PDS5A: variants seen among roughly 807,000 people sequenced by gnomAD.
The protein encoded by PDS5A is PDS5 cohesin associated factor A.
A neutral mutation model predicts 167.1 loss-of-function variants in PDS5A; 42 were observed. The ratio of observed to expected loss-of-function variants is 0.25; its 90% CI spans 0.20 to 0.33. The LOEUF (loss-of-function observed/expected upper bound fraction) is 0.33, where lower values mean the gene tolerates loss of function less well. Among genes scored for constraint, PDS5A ranks in the 10% least tolerant of loss-of-function variants. The pLI, the probability that PDS5A is intolerant of heterozygous loss-of-function variation, is 1.00. For missense variants in PDS5A, 1,033 were observed against 1,605.9 expected (o/e 0.64, Z 6.10); for synonymous variants, 553 against 554.6 (o/e 1.00, Z 0.04).
At chr4:39,829,784 C>T (rs187187742) in intron 32 of PDS5A, among the ~76,000 whole-genome samples, 18 of 151,480 alleles carry the variant, frequency 1.2e-4, no homozygotes, top group Admixed American at 2.6e-4. Flanking sequence ...ACCCTGTCTC[C>T]ACTAAAAATA....
At chr4:39,944,694 C>CAAAAAAAAAAAAAAAAAAAAAA (rs373241104) in intron 2 of PDS5A, among the ~76,000 whole-genome samples, 1 of 86,112 alleles carries the variant, frequency 1.2e-5, no homozygotes, top group Non-Finnish European at 2.5e-5. Context: ...AACTCCATCT[C>CAAAAAAAAAAAAAAAAAAAAAA]AAAAAAAAAA....
At chr4:39,933,949 G>C (rs1380196287) in intron 2 of PDS5A, among the ~76,000 whole-genome samples, 1 of 152,190 alleles carries the variant, frequency 6.6e-6, no homozygotes, top group Non-Finnish European at 1.5e-5. Context: ...TTGTCAGCTG[G>C]CAAGTATGGA....
At chr4:39,970,855 T>C (rs1413735949) in intron 2 of PDS5A, among the ~76,000 whole-genome samples, 1 of 139,802 alleles carries the variant, frequency 7.2e-6, no homozygotes. Context: ...TGGAGTGCAG[T>C]GGTAGGATCA....
intron 10 of PDS5A, 104 bp from the exon 11 acceptor site, chr4:39,908,644 G>A: frequency 1.4e-6 from 1 of 690,618 alleles, no homozygotes. Flanking sequence ...CCATACTAAA[G>A]CAATGTTTGT....
intron 30 of PDS5A, 46 bp downstream of exon 30, chr4:39,844,610 C>T (rs557131855): frequency 8.0e-6 from 12 of 1,505,784 alleles, no homozygotes; most frequent in Non-Finnish European, 1.0e-5. Context: ...AAAAGATAAA[C>T]CAAGTAGTGA....
At chr4:39,837,029 A>G (rs1442786478) in intron 32 of PDS5A, 1 of 118,952 alleles carries the variant, frequency 8.4e-6, no homozygotes, top group Admixed American at 1.0e-4. Flanking sequence ...ATGGGGTTTC[A>G]CCATGTTGGT....
chr4:39,891,968 A>C (rs1332985661), intron 16 of PDS5A, among the ~76,000 whole-genome samples: 2 of 151,602 alleles, frequency 1.3e-5, no homozygotes, highest in East Asian at 3.9e-4. Flanking sequence ...AAAATTAGCC[A>C]GGCGTGATGG....
At chr4:39,866,484 G>A (rs925726392) in intron 23 of PDS5A, among the ~76,000 whole-genome samples, 18 of 152,224 alleles carry the variant, frequency 1.2e-4, no homozygotes, top group Non-Finnish European at 2.1e-4. Flanking sequence ...TTTAATACAG[G>A]GATGCTCTTT....
At chr4:39,870,681 T>C (rs1304739845) in intron 21 of PDS5A, among the ~76,000 whole-genome samples, 1 of 152,028 alleles carries the variant, frequency 6.6e-6, no homozygotes, top group East Asian at 1.9e-4. Flanking sequence ...AGGTAGTCAA[T>C]AAGCACACAA....
In PDS5A at chr4:39,874,312, CTTCT is replaced by C; in HGVS notation, c.2250_2253del (p.Glu751SerfsTer14). The C allele has an allele frequency of 6.2e-7, 1 of 1,613,058 alleles. No individual in the cohort carries two copies. Among genetic ancestry groups the C allele is most frequent in the Non-Finnish European group, 8.5e-7 (1 of 1,179,186 alleles). On this transcript the variant is annotated frameshift_variant, in exon 20 of 33. Coordinates refer to ENST00000303538, the MANE Select transcript of PDS5A (RefSeq NM_001100399.2). LOFTEE classifies it high-confidence loss of function. Reference sequence around the variant, plus strand: ...ACCTCAAAAATCTGTGCAAGCTGGACTTCTTTATTTGTGAATATGGCGTGTATAC... The same window carrying C: ...ACCTCAAAAATCTGTGCAAGCTGGACTTATTTGTGAATATGGCGTGTATAC...
chr4:39,976,624 G>A lies in PDS5A; in HGVS notation c.-40-7C>T. ...CACAGTCCTCTACCGGCCTCTATCG[G>A]TCAGAAAACCAAAGTTCAGCGGGAA... On this transcript the variant is annotated splice_region_variant and splice_polypyrimidine_tract_variant and intron_variant, in intron 1 of 32. Coordinates refer to ENST00000303538, the MANE Select transcript of PDS5A (RefSeq NM_001100399.2). The A allele has an allele frequency of 6.6e-7, 1 of 1,509,002 alleles. No homozygotes were observed. The highest frequency in any genetic ancestry group is 9.0e-7 in the Non-Finnish European group (1 of 1,106,034). 93.5% of individuals were successfully genotyped at this position (1,509,002 alleles called of 1,614,324 possible). A position where few individuals can be genotyped will look rare whatever the true frequency, so the allele number is the denominator to read the frequency against.
At chr4:39,860,369 G>A (rs1355812635) in intron 26 of PDS5A, among the ~76,000 whole-genome samples, 2 of 151,970 alleles carry the variant, frequency 1.3e-5, no homozygotes, top group Non-Finnish European at 2.9e-5. Flanking sequence ...GGAGGCTGAG[G>A]CATGAGAATA....
chr4:39,885,261 A>AG (rs1171908624), intron 17 of PDS5A, among the ~76,000 whole-genome samples: 6 of 151,006 alleles, frequency 4.0e-5, no homozygotes, highest in Admixed American at 4.0e-4. Flanking sequence ...AAAAAAAAAA[A>AG]AAAAGAAAGG....
At chr4:39,874,268 C>T (rs1720289342) in intron 20 of PDS5A, 21 bp downstream of exon 20, 1 of 1,592,538 alleles carries the variant, frequency 6.3e-7, no homozygotes, top group African/African-American at 1.4e-5. Context: ...AATATAAACA[C>T]AACCTATATA....
At chr4:39,914,755 T>C (rs1724203318) in intron 8 of PDS5A, among the ~76,000 whole-genome samples, 1 of 152,216 alleles carries the variant, frequency 6.6e-6, no homozygotes, top group South Asian at 2.1e-4. Flanking sequence ...TCAAAAATCA[T>C]ATTCACTAGG....
At chr4:39,916,136 C>G (rs1724350814) in intron 8 of PDS5A, among the ~76,000 whole-genome samples, 1 of 151,766 alleles carries the variant, frequency 6.6e-6, no homozygotes, top group Admixed American at 6.6e-5. Context: ...CCTCAAGAGA[C>G]TGAGACAAGA....
At chr4:39,930,129 C>G (rs1578765163) in intron 2 of PDS5A, among the ~76,000 whole-genome samples, 1 of 133,766 alleles carries the variant, frequency 7.5e-6, no homozygotes, top group Non-Finnish European at 1.5e-5. Context: ...GCAGGAGAAT[C>G]TCTTGAACCC....
chr4:39,865,058 C>T (rs1006305403), intron 23 of PDS5A, among the ~76,000 whole-genome samples: 1 of 151,970 alleles, frequency 6.6e-6, no homozygotes, highest in African/African-American at 2.4e-5. Context: ...AAGAGTCCTG[C>T]TAATTTATAC....
At chr4:39,866,410 CCTGG>C (rs1341948009) in intron 23 of PDS5A, among the ~76,000 whole-genome samples, 2 of 152,220 alleles carry the variant, frequency 1.3e-5, no homozygotes, top group African/African-American at 4.8e-5. Flanking sequence ...GGCCACCGCG[CCTGG>C]CTGCCACTTA....
Sources: allele counts gnomAD v4.1 joint callset (sites outside exome capture counted in the v4.1 genomes callset), GRCh38; gene constraint gnomAD v4.1.1; transcripts MANE v1.5; gene names NCBI Gene and HGNC (gene_info 2026-07-23, HGNC 2026-07-21).